The following SRCIN1 variants were observed in gnomAD, a reference collection of about 807,000 sequenced individuals.
SRCIN1 encodes the protein SRC kinase signaling inhibitor 1.
In SRCIN1, 50 loss-of-function variants were observed where a neutral mutation model predicts 116.2. That is an observed-to-expected ratio of 0.43 (90% CI 0.34 to 0.54). The LOEUF is 0.54. Ranked by LOEUF, SRCIN1 falls within the 20% of genes least tolerant of loss-of-function variation. SRCIN1 has a pLI of 0.02. For synonymous variants in SRCIN1, 736 were observed against 750.0 expected (o/e 0.98, Z 0.30); for missense variants, 1,446 against 1,672.0 (o/e 0.86, Z 2.36).
Position 38,605,711 on chromosome 17 carries a change from G to A in SRCIN1, c.-6C>T. ...TGGGACGGAGCGTTCCCCATCGGGC[G>A]GGGGCGCGGGGGGCGGGGGCCCCGG... is the stretch of plus-strand genomic sequence containing the variant. On this transcript the variant is annotated 5_prime_UTR_variant, in exon 1 of 19. Coordinates refer to ENST00000617146, the MANE Select transcript of SRCIN1 (RefSeq NM_025248.3). 2 of 1,208,878 alleles carry A rather than the reference G, an allele frequency of 1.7e-6. No individual in the cohort carries two copies. Among genetic ancestry groups the A allele is most frequent in the Non-Finnish European group, 2.1e-6 (2 of 964,124 alleles). 74.9% of individuals were successfully genotyped at this position (1,208,878 alleles called of 1,614,324 possible).
At chr17:38,574,278 G>T (rs1907266427) in intron 2 of SRCIN1, among the ~76,000 whole-genome samples, 1 of 152,172 alleles carries the variant, frequency 6.6e-6, no homozygotes, top group Non-Finnish European at 1.5e-5. Context: ...CTGGTATCCT[G>T]CCTACATGTG....
At position 38,552,125 on chromosome 17, in the gene SRCIN1, C is replaced by A; in HGVS notation, c.2488G>T (p.Asp830Tyr). ...TTGGGGGGTGGCCACACACCCTCATCCACTTGCCTGGGGTTGGGAGAGTTG... is the reference window on the plus strand; with the variant it reads ...TTGGGGGGTGGCCACACACCCTCATACACTTGCCTGGGGTTGGGAGAGTTG... ...DTLAQIRRQVDEGVWPPPNNL... is the reference protein window; with the variant it reads ...DTLAQIRRQVYEGVWPPPNNL... The change falls in exon 14 of 19, where the codon GAT becomes TAT. Residue 830 changes from aspartate (D) to tyrosine (Y), a missense_variant. Transcript: ENST00000617146. This position sits in a 1 kb window ranked among gnomAD's most constrained non-coding sequence, Gnocchi z 5.3. The A allele has an allele frequency of 6.2e-7, 1 of 1,610,484 alleles. No homozygotes were observed. The highest frequency in any genetic ancestry group is 1.1e-5 in the South Asian group (1 of 90,802).
At chr17:38,603,452 C>T (rs1234395082) in intron 1 of SRCIN1, among the ~76,000 whole-genome samples, 1 of 152,078 alleles carries the variant, frequency 6.6e-6, no homozygotes, top group Non-Finnish European at 1.5e-5. Context: ...AGTGGAGCAT[C>T]CCTCTCCACT....
chr17:38,556,063 C>A (rs773027992), intron 11 of SRCIN1, among the ~76,000 whole-genome samples: 10 of 152,158 alleles, frequency 6.6e-5, no homozygotes, highest in Non-Finnish European at 1.0e-4. Context: ...GAGTCCCAGG[C>A]CAGCTAGTCT....
chr17:38,550,385 T>G (rs1435873053), intron 15 of SRCIN1, among the ~76,000 whole-genome samples: 1 of 151,990 alleles, frequency 6.6e-6, no homozygotes, highest in East Asian at 1.9e-4. Context: ...TCCCAGCTAC[T>G]CGGGAGGCTG....
chr17:38,590,706 A>AAGTGGAAG (rs997273896), intron 1 of SRCIN1, among the ~76,000 whole-genome samples: 9 of 151,922 alleles, frequency 5.9e-5, no homozygotes, highest in African/African-American at 2.2e-4. Context: ...CAGAGTTGAT[A>AAGTGGAAG]AGTGGAAGAG....
intron 17 of SRCIN1, among the ~76,000 whole-genome samples, chr17:38,546,051 C>A (rs766696080): frequency 6.6e-6 from 1 of 152,208 alleles, no homozygotes; most frequent in African/African-American, 2.4e-5. Context: ...CACACACACT[C>A]GGGCAAAGCT....
chr17:38,605,692 G>A lies in SRCIN1; in HGVS notation c.14C>T (p.Pro5Leu), dbSNP rs202156821. 1 of 1,272,516 alleles carries A rather than the reference G, an allele frequency of 7.9e-7. No individual in the cohort carries two copies. The highest frequency in any genetic ancestry group is 1.0e-6 in the Non-Finnish European group (1 of 1,003,316). The allele number at this position is 1,272,516 out of a possible 1,614,324, so 78.8% of individuals were successfully genotyped here. The part of the protein sequence containing the change: MGNA[P>L]SQDPERSSPP... ...GAGAGACAGGGACATGCCTTGGGACGGAGCGTTCCCCATCGGGCGGGGGCG... is the reference window on the plus strand; with the variant it reads ...GAGAGACAGGGACATGCCTTGGGACAGAGCGTTCCCCATCGGGCGGGGGCG... Residue 5 changes from proline (P) to leucine (L), a missense_variant, in exon 1 of 19, where the codon CCG (proline) becomes CTG (leucine). Pro to Leu is a moderately conservative substitution (Grantham distance 98). Transcript: ENST00000617146.
chr17:38,550,130 A>C (rs914965967), intron 15 of SRCIN1, among the ~76,000 whole-genome samples: 3 of 152,200 alleles, frequency 2.0e-5, no homozygotes, highest in Non-Finnish European at 2.9e-5. Flanking sequence ...TTTCTTAATC[A>C]TTTTGAGCCT....
intron 1 of SRCIN1, among the ~76,000 whole-genome samples, chr17:38,600,668 G>C (rs934977479): frequency 6.6e-6 from 1 of 152,184 alleles, no homozygotes; most frequent in African/African-American, 2.4e-5. Context: ...GGCCCTGGAG[G>C]GTGCACAGCC....
chr17:38,595,273 G>A (rs1200202410), intron 1 of SRCIN1, among the ~76,000 whole-genome samples: 5 of 151,842 alleles, frequency 3.3e-5, no homozygotes, highest in African/African-American at 1.2e-4. Context: ...GCTGGAGTGC[G>A]GTGGCGCAAT....
intron 11 of SRCIN1, among the ~76,000 whole-genome samples, chr17:38,557,028 CAG>C (rs67183085): frequency 0.1 from 15,507 of 152,170 alleles, 973 homozygotes; most frequent in African/African-American, 0.18. Context: ...TGACACCTGC[CAG>C]TCTGCTTGGA....
At chr17:38,564,448 G>A in intron 3 of SRCIN1, 135 bp from the exon 4 acceptor site, 1 of 944,540 alleles carries the variant, frequency 1.1e-6, no homozygotes, top group East Asian at 2.7e-5. Context: ...CTCCCACACA[G>A]ATTACAGACT....
In SRCIN1 at chr17:38,570,657, T is replaced by C. The variant is rs187175411; in HGVS notation, c.325-2426A>G. Reference sequence around the variant, plus strand: ...CGGATGACTGAGGCCCACCTCGTGGTCCTGGGAGGGAGATAAAGACAGGGC... The same window carrying C: ...CGGATGACTGAGGCCCACCTCGTGGCCCTGGGAGGGAGATAAAGACAGGGC... On this transcript the variant is annotated intron_variant, in intron 2 of 18. Transcript: ENST00000617146. Among the ~76,000 whole-genome samples the C allele has an allele frequency of 4.6e-5, 7 of 152,364 alleles. No individual in the cohort carries two copies. In the East Asian group the frequency reaches 1.2e-3, roughly 25 times the overall value.
chr17:38,591,118 C>CG (rs1414091216), intron 1 of SRCIN1, among the ~76,000 whole-genome samples: 1 of 152,204 alleles, frequency 6.6e-6, no homozygotes, highest in African/African-American at 2.4e-5. Flanking sequence ...ATGCTGGATA[C>CG]GAAGCCCTCC....
intron 7 of SRCIN1, among the ~76,000 whole-genome samples, chr17:38,560,667 T>G (rs534202442): frequency 6.6e-6 from 1 of 152,212 alleles, no homozygotes; most frequent in African/African-American, 2.4e-5. Flanking sequence ...TTCCCCTGCC[T>G]GCTCTGCCTT....
intron 2 of SRCIN1, among the ~76,000 whole-genome samples, chr17:38,577,008 C>T (rs557651825): frequency 1.3e-5 from 2 of 152,324 alleles, no homozygotes; most frequent in African/African-American, 4.8e-5. Flanking sequence ...GCCTTCTCGC[C>T]GGCCAGGTGG....
intron 17 of SRCIN1, chr17:38,546,538 G>T (rs891683809): frequency 1.3e-5 from 2 of 152,314 alleles, no homozygotes; most frequent in Non-Finnish European, 2.9e-5. Context: ...CGATGCTGCC[G>T]CAGGATGCAG....
At chr17:38,534,192 C>T (rs2040968287) in intron 18 of SRCIN1, among the ~76,000 whole-genome samples, 1 of 152,204 alleles carries the variant, frequency 6.6e-6, no homozygotes, top group African/African-American at 2.4e-5. Flanking sequence ...TCCCGCAACT[C>T]CACCGGTCCT....
Sources: allele counts gnomAD v4.1 joint callset (sites outside exome capture counted in the v4.1 genomes callset), GRCh38; gene constraint gnomAD v4.1.1; non-coding constraint Gnocchi (gnomAD v3.1); transcripts MANE v1.5; gene names NCBI Gene and HGNC (gene_info 2026-07-23, HGNC 2026-07-21).